Variants in GARIN2 observed in about 807,000 individuals in gnomAD.
The protein encoded by GARIN2 is Golgi-associated RAB2 interactor protein 2.
At chr14:67,189,966 G>T in the GARIN2 span, among the ~76,000 whole-genome samples, 99 of 146,584 alleles carry the variant, frequency 6.8e-4, no homozygotes, top group African/African-American at 2.4e-3. Context: ...TCAGCCTCCC[G>T]AGTAGCTGGG....
At chr14:67,221,812 G>A in the GARIN2 span, 2 of 1,612,828 alleles carry the variant, frequency 1.2e-6, no homozygotes, top group Non-Finnish European at 1.7e-6. Flanking sequence ...CTTCAGGTAT[G>A]GAACAAATTC....
At chr14:67,215,772 C>T in the GARIN2 span, among the ~76,000 whole-genome samples, 1 of 152,138 alleles carries the variant, frequency 6.6e-6, no homozygotes, top group Non-Finnish European at 1.5e-5. Flanking sequence ...TTGATCAGGT[C>T]TGGTCACTCT....
At chr14:67,193,024 A>C in the GARIN2 span, among the ~76,000 whole-genome samples, 1 of 146,064 alleles carries the variant, frequency 6.8e-6, no homozygotes, top group African/African-American at 2.5e-5. Flanking sequence ...AGATATAGAT[A>C]TATCTCTATC....
the GARIN2 span, chr14:67,204,785 T>C: frequency 6.2e-7 from 1 of 1,614,004 alleles, no homozygotes; most frequent in Non-Finnish European, 8.5e-7. Flanking sequence ...ACAGGCTCCA[T>C]GGATGTGACG....
the GARIN2 span, chr14:67,199,986 G>A: frequency 2.3e-5 from 25 of 1,101,202 alleles, no homozygotes; most frequent in African/African-American, 3.8e-4. Context: ...TGTCTCAGAT[G>A]CAGCTGGCAC....
the GARIN2 span, chr14:67,203,147 C>T: frequency 3.6e-5 from 58 of 1,613,868 alleles, no homozygotes; most frequent in South Asian, 3.0e-4. Context: ...ACTGGGTGAC[C>T]GTAGGCATCT....
At chr14:67,222,935 C>A in the GARIN2 span, among the ~76,000 whole-genome samples, 1 of 150,520 alleles carries the variant, frequency 6.6e-6, no homozygotes, top group Admixed American at 6.6e-5. Context: ...CCACAAAAAA[C>A]AGCAAATCAT....
At chr14:67,193,944 CA>C in the GARIN2 span, among the ~76,000 whole-genome samples, 5 of 33,886 alleles carry the variant, frequency 1.5e-4, no homozygotes, top group South Asian at 3.0e-3. Flanking sequence ...GACCCTGTCT[CA>C]AAAAAAAACA....
At chr14:67,193,370 T>TATATATCTAG in the GARIN2 span, among the ~76,000 whole-genome samples, 5 of 139,554 alleles carry the variant, frequency 3.6e-5, no homozygotes, top group African/African-American at 7.7e-5. Flanking sequence ...ATAATCTATC[T>TATATATCTAG]ATATATCTAG....
the GARIN2 span, among the ~76,000 whole-genome samples, chr14:67,216,423 AT>A: frequency 6.6e-6 from 1 of 151,024 alleles, no homozygotes; most frequent in African/African-American, 2.4e-5. Flanking sequence ...TCTGACTTTT[AT>A]TATTTCTTCT....
the GARIN2 span, among the ~76,000 whole-genome samples, chr14:67,215,513 A>AAAAAC: frequency 6.6e-6 from 1 of 151,146 alleles, no homozygotes. Flanking sequence ...AAAGATTAAA[A>AAAAAC]AACAACAACA....
At chr14:67,203,303 A>G in the GARIN2 span, 25 of 1,561,920 alleles carry the variant, frequency 1.6e-5, no homozygotes, top group Non-Finnish European at 1.8e-5. Context: ...GGTGAGTTAC[A>G]AAGAGAAGAG....
At chr14:67,205,870 GA>G in the GARIN2 span, among the ~76,000 whole-genome samples, 1 of 152,194 alleles carries the variant, frequency 6.6e-6, no homozygotes, top group South Asian at 2.1e-4. Flanking sequence ...GACTACTGCT[GA>G]AAAACTTCCT....
At chr14:67,208,380 T>G in the GARIN2 span, 3 of 1,613,996 alleles carry the variant, frequency 1.9e-6, no homozygotes, top group African/African-American at 1.3e-5. Flanking sequence ...TCCAAGGAGA[T>G]GAAGGATAAG....
chr14:67,191,382 G>C, the GARIN2 span, among the ~76,000 whole-genome samples: 4 of 152,312 alleles, frequency 2.6e-5, no homozygotes, highest in African/African-American at 9.6e-5. Flanking sequence ...AAGACCACAT[G>C]GTAATGGTCA....
chr14:67,226,374 T>A, the GARIN2 span, among the ~76,000 whole-genome samples: 1 of 151,648 alleles, frequency 6.6e-6, no homozygotes, highest in African/African-American at 2.4e-5. Flanking sequence ...TTTGTTTTGT[T>A]TTTTTGAGAC....
chr14:67,225,264 AG>A, the GARIN2 span: 12 of 1,500,406 alleles, frequency 8.0e-6, no homozygotes, highest in East Asian at 2.8e-4. Context: ...GACAAACTAA[AG>A]GTAACTTTTT....
the GARIN2 span, chr14:67,199,943 C>A: frequency 7.2e-7 from 1 of 1,389,268 alleles, no homozygotes; most frequent in Non-Finnish European, 9.7e-7. Flanking sequence ...CAAGCTCACC[C>A]ATTCCCACCA....
At chr14:67,211,434 T>C in the GARIN2 span, among the ~76,000 whole-genome samples, 1 of 152,078 alleles carries the variant, frequency 6.6e-6, no homozygotes, top group East Asian at 1.9e-4. Context: ...AGAGGAGAAC[T>C]GGGGAAAAGA....
Sources: allele counts gnomAD v4.1 joint callset (sites outside exome capture counted in the v4.1 genomes callset), GRCh38; gene constraint gnomAD v4.1.1; transcripts MANE v1.5; gene names NCBI Gene and HGNC (gene_info 2026-07-23, HGNC 2026-07-21).